The following CADM2 variants were observed in gnomAD, a reference collection of about 807,000 sequenced individuals.
CADM2 encodes cell adhesion molecule 2.
Under a neutral mutation model 49.8 loss-of-function variants are expected in CADM2, and 12 were observed. The observed-to-expected ratio is 0.24, with a 90% CI of 0.15 to 0.39. The LOEUF (loss-of-function observed/expected upper bound fraction) is 0.39. CADM2 is among the 10% of genes least tolerant of loss of function. The pLI is 1.00. For synonymous variants in CADM2, 214 were observed against 175.4 expected (o/e 1.22, Z -1.74); for missense variants, 378 against 492.3 (o/e 0.77, Z 2.20).
At chr3:85,153,236 C>T (rs574621940) in intron 1 of CADM2, among the ~76,000 whole-genome samples, 14 of 152,170 alleles carry the variant, frequency 9.2e-5, no homozygotes, top group East Asian at 7.8e-4. Flanking sequence ...GCGCACCCTG[C>T]GCGAGCCGAA....
intron 1 of CADM2, among the ~76,000 whole-genome samples, chr3:85,361,093 A>G (rs1377855076): frequency 6.6e-6 from 1 of 152,178 alleles, no homozygotes; most frequent in Non-Finnish European, 1.5e-5. Flanking sequence ...AGGGACTAGC[A>G]TAGAATCTTG....
intron 1 of CADM2, among the ~76,000 whole-genome samples, chr3:85,573,344 C>T (rs2062539467): frequency 6.6e-6 from 1 of 151,984 alleles, no homozygotes; most frequent in Non-Finnish European, 1.5e-5. Flanking sequence ...TGGTGCATGC[C>T]ACCAGGCTCA....
At chr3:85,511,611 T>C (rs2040619684) in intron 1 of CADM2, among the ~76,000 whole-genome samples, 1 of 152,066 alleles carries the variant, frequency 6.6e-6, no homozygotes, top group South Asian at 2.1e-4. Context: ...CAAAAATAGA[T>C]GTCTTCAACT....
chr3:85,697,910 G>A (rs748845784), intron 1 of CADM2, among the ~76,000 whole-genome samples: 81 of 152,208 alleles, frequency 5.3e-4, no homozygotes, highest in Non-Finnish European at 1.0e-3. Flanking sequence ...TGAACTTAGT[G>A]TGTGTGTTTT....
chr3:85,740,042 G>C (rs1436539239), intron 2 of CADM2, among the ~76,000 whole-genome samples: 2 of 152,176 alleles, frequency 1.3e-5, no homozygotes, highest in Non-Finnish European at 2.9e-5. Flanking sequence ...AACAGTATTA[G>C]ATGTTAAAAG....
intron 2 of CADM2, among the ~76,000 whole-genome samples, chr3:85,788,382 T>C (rs1247310527): frequency 6.6e-6 from 1 of 152,140 alleles, no homozygotes; most frequent in African/African-American, 2.4e-5. Flanking sequence ...CATTTTGAAA[T>C]TTCTTATTAC....
At chr3:85,253,806 A>T (rs1282104586) in intron 1 of CADM2, among the ~76,000 whole-genome samples, 1 of 152,082 alleles carries the variant, frequency 6.6e-6, no homozygotes, top group Non-Finnish European at 1.5e-5. Flanking sequence ...GGGTAATTAA[A>T]TTGCTTAATT....
chr3:85,644,252 AGAGG>A (rs2064819153), intron 1 of CADM2, among the ~76,000 whole-genome samples: 2 of 152,110 alleles, frequency 1.3e-5, no homozygotes, highest in African/African-American at 4.8e-5. Context: ...AGAAAGAGAG[AGAGG>A]AAGAAAGAGA....
rs144030775 is a variant in CADM2 at position 85,069,796 on chromosome 3, G to A, written c.61+110128G>A. On this transcript the variant is annotated intron_variant, in intron 1 of 9. Transcript: ENST00000383699. The stretch of plus-strand genomic sequence containing the variant: ...GTACCATTTTTCTTAATGTCTAGAC[G>A]TCATACAAATATTACCACTGTCTTA... Among the ~76,000 whole-genome samples, 404 of 152,178 alleles carry A rather than the reference G, an allele frequency of 2.7e-3. 3 individuals carry two copies. Among genetic ancestry groups the A allele is most frequent in the African/African-American group, 9.0e-3 (374 of 41,548 alleles).
intron 3 of CADM2, among the ~76,000 whole-genome samples, chr3:85,862,467 C>T (rs1045777473): frequency 6.6e-6 from 1 of 152,060 alleles, no homozygotes; most frequent in Admixed American, 6.6e-5. Context: ...CAGAATATTT[C>T]TGAGCTTGTG....
At chr3:85,629,961 A>T (rs150315850) in intron 1 of CADM2, among the ~76,000 whole-genome samples, 28 of 152,126 alleles carry the variant, frequency 1.8e-4, no homozygotes, top group African/African-American at 6.5e-4. Flanking sequence ...AATGCTCATT[A>T]AGTGTTTCTT....
chr3:85,389,258 G>C (rs1452465691), intron 1 of CADM2, among the ~76,000 whole-genome samples: 3 of 152,050 alleles, frequency 2.0e-5, no homozygotes, highest in Admixed American at 2.0e-4. Context: ...AAGTAAAAGG[G>C]GATGCTGGTG....
intron 1 of CADM2, among the ~76,000 whole-genome samples, chr3:85,152,193 T>G (rs2039944631): frequency 6.6e-6 from 1 of 152,186 alleles, no homozygotes; most frequent in Non-Finnish European, 1.5e-5. Flanking sequence ...ATATTTCATA[T>G]AATTTAATAC....
intron 1 of CADM2, among the ~76,000 whole-genome samples, chr3:85,519,227 C>T (rs866220101): frequency 1.7e-4 from 26 of 152,120 alleles, no homozygotes; most frequent in African/African-American, 6.3e-4. Flanking sequence ...ACAAGCACCC[C>T]GTTTTTGCCT....
intron 1 of CADM2, among the ~76,000 whole-genome samples, chr3:85,510,099 C>CA (rs2040545955): frequency 1.3e-5 from 2 of 151,776 alleles, no homozygotes; most frequent in African/African-American, 4.8e-5. Flanking sequence ...TACTTATAAG[C>CA]AAAATCACTC....
chr3:85,278,720 G>T (rs1203903654), intron 1 of CADM2, among the ~76,000 whole-genome samples: 1 of 1,172 alleles, frequency 8.5e-4, no homozygotes. Context: ...TGATGTTCTT[G>T]TGTGTGTGTG....
chr3:85,071,035 T>G (rs896998784), intron 1 of CADM2, among the ~76,000 whole-genome samples: 2 of 150,126 alleles, frequency 1.3e-5, no homozygotes, highest in African/African-American at 4.9e-5. Flanking sequence ...AATAAATAAA[T>G]AAATAAAATA....
chr3:86,012,891 C>T (rs1731717567), intron 8 of CADM2: 9 of 572,810 alleles, frequency 1.6e-5, no homozygotes, highest in Non-Finnish European at 2.5e-5. Flanking sequence ...AGGAGAATGG[C>T]GTGAACCCGG....
chr3:85,013,430 A>G (rs2107263087), intron 1 of CADM2, among the ~76,000 whole-genome samples: 1 of 152,106 alleles, frequency 6.6e-6, no homozygotes, highest in East Asian at 1.9e-4. Context: ...TTTAAAGGAA[A>G]AGAAAAATAT....
Sources: gnomAD v4.1 joint callset for allele counts (sites outside exome capture counted in the v4.1 genomes callset) on GRCh38, gnomAD v4.1.1 for gene constraint, MANE v1.5 for transcripts, NCBI Gene and HGNC (gene_info 2026-07-23, HGNC 2026-07-21) for gene names.